Variants in HOXA10 observed in about 807,000 individuals in gnomAD.
HOXA10 encodes the protein homeobox A10.
A neutral mutation model predicts 29.7 loss-of-function variants in HOXA10; 12 were observed. The observed-to-expected ratio is 0.40, with a 90% CI of 0.26 to 0.65. The LOEUF is 0.65. HOXA10 is among the 30% of genes least tolerant of loss of function. The pLI, the probability that HOXA10 is intolerant of heterozygous loss-of-function variation, is 0.37. For synonymous variants in HOXA10, 327 were observed against 280.7 expected (o/e 1.16, Z -1.65); for missense variants, 656 against 585.9 (o/e 1.12, Z -1.24).
chr7:27,173,939 CG>C lies in HOXA10; in HGVS notation c.367del (p.Arg123GlyfsTer134). ...SPIDLWLDAP[R>X]SCRMEPPDGP... ...GTCAGGCGGCTCCATCCGGCAAGAC[CG>C]GGGCGCGTCTAGCCACAGGTCTATG... On this transcript the variant is annotated frameshift_variant, in exon 1 of 2. Coordinates refer to ENST00000283921, the MANE Select transcript of HOXA10 (RefSeq NM_018951.4). LOFTEE classifies it high-confidence loss of function. 6.6e-7 allele frequency: 1 copy of C among 1,524,862 alleles called. No homozygotes were observed. 94.5% of individuals were successfully genotyped at this position (1,524,862 alleles called of 1,614,324 possible).
chr7:27,176,411 C>T (rs1783655660), upstream of HOXA10, among the ~76,000 whole-genome samples: 1 of 152,260 alleles, frequency 6.6e-6, no homozygotes, highest in Non-Finnish European at 1.5e-5. Context: ...CAGAGCACCG[C>T]AGCCAGTGGC....
At chr7:27,176,961 G>A (rs140558989), upstream of HOXA10, among the ~76,000 whole-genome samples, 27 of 152,284 alleles carry the variant, frequency 1.8e-4, no homozygotes, top group African/African-American at 6.3e-4. Flanking sequence ...GTCTTCCAGA[G>A]TCCCCCAGTG....
chr7:27,179,652 A>C lies in HOXA10; in HGVS notation c.4T>G (p.Cys2Gly), dbSNP rs772857733. The C allele has an allele frequency of 5.1e-6, 4 of 779,170 alleles. No individual in the cohort carries two copies. In the East Asian group the frequency reaches 9.7e-5, roughly 19 times the overall value. 48.3% of individuals were successfully genotyped at this position (779,170 alleles called of 1,614,324 possible). The change falls in exon 1 of 2, where the codon TGT becomes GGT. Residue 2 changes from cysteine to glycine, a missense_variant. Cys to Gly is a radical substitution (Grantham distance 159). Coordinates refer to the HOXA10 transcript ENST00000396344. ...TAAACTTGTGGCCTCTTACCTTGACACATTTCCGAAATCACTGCCAAGGGA... is the reference window on the plus strand; with the variant it reads ...TAAACTTGTGGCCTCTTACCTTGACCCATTTCCGAAATCACTGCCAAGGGA...
chr7:27,174,039 C>T lies in HOXA10; in HGVS notation c.268G>A (p.Glu90Lys). ...LFPTLGGKRN[E>K]AASPGSGGGG... ...CCACCGCTGCCCGGCGACGCTGCCT[C>T]ATTGCGCTTGCCGCCCAGCGTGGGG... is the stretch of plus-strand genomic sequence containing the variant. Residue 90 changes from glutamate (E) to lysine (K), a missense_variant, in exon 1 of 2, where the codon GAG (glutamate) becomes AAG (lysine). Around this residue, in one of 2 missense-constraint regions of HOXA10, gnomAD observed 594 missense variants for 491.9 expected, o/e 1.21. Coordinates refer to ENST00000283921, the MANE Select transcript of HOXA10 (RefSeq NM_018951.4). 1 of 1,539,098 alleles carries T rather than the reference C, an allele frequency of 6.5e-7. No individual in the cohort carries two copies. Among genetic ancestry groups the T allele is most frequent in the Non-Finnish European group, 8.7e-7 (1 of 1,148,924 alleles).
At chr7:27,173,321 G>T in intron 1 of HOXA10, 28 bp downstream of exon 1, 1 of 1,610,826 alleles carries the variant, frequency 6.2e-7, no homozygotes, top group South Asian at 1.1e-5. Context: ...CTGCCCGCCT[G>T]ACTGCAGCCC....
chr7:27,179,492 C>T (rs527611159), intron 1 of HOXA10, among the ~76,000 whole-genome samples: 55 of 152,288 alleles, frequency 3.6e-4, no homozygotes, highest in African/African-American at 1.3e-3. Flanking sequence ...TTAGGCCTCC[C>T]CCTGCTTTCC....
Position 27,173,876 on chromosome 7 carries a change from G to A in HOXA10, c.431C>T (p.Pro144Leu), listed in dbSNP as rs746381073. ...PPPPQQQPPP[P>L]PQPPQPAPQA... ...CGGCGCTGGCTGGGGTGGTTGCGGC[G>A]GGGGCGGCGGCTGCTGCTGGGGCGG... The change falls in exon 1 of 2, where the codon CCG becomes CTG. Residue 144 changes from proline to leucine, a missense_variant. Physicochemically the swap from Pro to Leu is moderately conservative, Grantham distance 98. Transcript: ENST00000283921. 1.7e-5 allele frequency: 27 copies of A among 1,582,442 alleles called. No individual in the cohort carries two copies. The highest frequency in any genetic ancestry group is 2.3e-5 in the Non-Finnish European group (27 of 1,166,066).
At chr7:27,176,404 A>G (rs1473560566), upstream of HOXA10, among the ~76,000 whole-genome samples, 1 of 152,246 alleles carries the variant, frequency 6.6e-6, no homozygotes, top group Non-Finnish European at 1.5e-5. Flanking sequence ...AAAGCTTCAG[A>G]GCACCGCAGC....
In HOXA10 at chr7:27,172,179, A is replaced by G. The variant is rs748257696; in HGVS notation, c.959-6T>C. The stretch of plus-strand genomic sequence containing the variant: ...GTTTTCACCTTTGGAATTGCCTGGC[A>G]TGTAAGAGAATAAAGAGGGGATGAT... On this transcript the variant is annotated splice_region_variant and splice_polypyrimidine_tract_variant and intron_variant, in intron 1 of 1. Transcript: ENST00000283921. 6.2e-7 allele frequency: 1 copy of G among 1,613,572 alleles called. No homozygotes were observed. Among genetic ancestry groups the G allele is most frequent in the Admixed American group, 1.7e-5 (1 of 60,020 alleles).
chr7:27,172,289 G>A, intron 1 of HOXA10, 116 bp from the exon 2 acceptor site: 2 of 1,115,378 alleles, frequency 1.8e-6, no homozygotes, highest in Non-Finnish European at 2.7e-6. Context: ...ACAGAGAAGA[G>A]AGTCGTGCCC....
chr7:27,177,223 TTGGGTCTTCAGTGACCTTTC>T (rs1399704466), upstream of HOXA10, among the ~76,000 whole-genome samples: 5 of 152,256 alleles, frequency 3.3e-5, no homozygotes, highest in Admixed American at 6.5e-5. Flanking sequence ...GCGTTGGCAC[TTGGGTCTTCAGTGACCTTTC>T]TGTGGTGAGC....
At position 27,170,897 on chromosome 7, in the gene HOXA10, C is replaced by A; in HGVS notation, c.*1002G>T. The A allele has an allele frequency of 2.2e-6, 1 of 454,450 alleles. No homozygotes were observed. Among genetic ancestry groups the A allele is most frequent in the South Asian group, 1.6e-5 (1 of 64,468 alleles). 28.2% of individuals were successfully genotyped at this position (454,450 alleles called of 1,614,324 possible). On this transcript the variant is annotated 3_prime_UTR_variant, in exon 2 of 2. Coordinates refer to ENST00000283921, the MANE Select transcript of HOXA10 (RefSeq NM_018951.4). ...AGGAAATCCAAACAATGTCTCCCTT[C>A]TCTAGTTTATTCCGCTTACCCCAGT...
chr7:27,177,711 G>C (rs1247837574), upstream of HOXA10, among the ~76,000 whole-genome samples: 2 of 152,134 alleles, frequency 1.3e-5, no homozygotes, highest in Non-Finnish European at 2.9e-5. Flanking sequence ...TTGTAGTGTG[G>C]GTCGGCTTCC....
intron 1 of HOXA10, 41 bp downstream of exon 1, chr7:27,173,308 T>C (rs1783552728): frequency 6.2e-7 from 1 of 1,609,312 alleles, no homozygotes. Flanking sequence ...TGTGTCTGCC[T>C]GTCTGCCCGC....
Position 27,174,028 on chromosome 7 carries a change from C to G in HOXA10, c.279G>C (p.Ser93=). 6.5e-7 allele frequency: 1 copy of G among 1,531,336 alleles called. No homozygotes were observed. The highest frequency in any genetic ancestry group is 8.7e-7 in the Non-Finnish European group (1 of 1,145,540). 94.9% of individuals were successfully genotyped at this position (1,531,336 alleles called of 1,614,324 possible). ...CCCCGCCACCGCCACCGCTGCCCGG[C>G]GACGCTGCCTCATTGCGCTTGCCGC... The part of the protein sequence containing the change: ...TLGGKRNEAA[S]PGSGGGGGGL... Residue 93 remains serine (S), a synonymous_variant, in exon 1 of 2, where the codon TCG becomes TCC. Coordinates refer to ENST00000283921, the MANE Select transcript of HOXA10 (RefSeq NM_018951.4).
At chr7:27,177,925 G>A (rs555744725), upstream of HOXA10, among the ~76,000 whole-genome samples, 73 of 152,170 alleles carry the variant, frequency 4.8e-4, no homozygotes, top group Non-Finnish European at 9.0e-4. Flanking sequence ...ATTTCTACCC[G>A]GGTAATAACC....
In HOXA10 at chr7:27,171,663, A is replaced by G. The variant is rs1562509442; in HGVS notation, c.*236T>C. The G allele has an allele frequency of 7.4e-6, 5 of 676,060 alleles. No homozygotes were observed. The South Asian group carries it at 7.5e-5, about 10-fold the overall frequency. The allele number at this position is 676,060 out of a possible 1,614,324, so 41.9% of individuals were successfully genotyped here. On this transcript the variant is annotated 3_prime_UTR_variant, in exon 2 of 2. Coordinates refer to ENST00000283921, the MANE Select transcript of HOXA10 (RefSeq NM_018951.4). ...ACAATATCTATCTCTATAGAATTTTAGCATGATATGGCTTTTTCCCCCAGA... is the reference window on the plus strand; with the variant it reads ...ACAATATCTATCTCTATAGAATTTTGGCATGATATGGCTTTTTCCCCCAGA...
At chr7:27,175,693 C>A (rs1783642242), upstream of HOXA10, among the ~76,000 whole-genome samples, 1 of 152,214 alleles carries the variant, frequency 6.6e-6, no homozygotes, top group Non-Finnish European at 1.5e-5. Flanking sequence ...GAGGTCGCTG[C>A]CTTGCCCCTG....
At chr7:27,177,743 C>T (rs573356408), upstream of HOXA10, among the ~76,000 whole-genome samples, 3 of 152,306 alleles carry the variant, frequency 2.0e-5, no homozygotes, top group Admixed American at 1.3e-4. Flanking sequence ...CTCCCTCGTG[C>T]TCATTTGCCT....
Sources: gnomAD v4.1 joint callset for allele counts (sites outside exome capture counted in the v4.1 genomes callset) on GRCh38, gnomAD v4.1.1 for gene constraint, gnomAD v4.1.1 regional missense constraint, MANE v1.5 for transcripts, NCBI Gene and HGNC (gene_info 2026-07-23, HGNC 2026-07-21) for gene names.